Variants in SNX31 observed in about 807,000 individuals in gnomAD.
SNX31 encodes sorting nexin-31.
Under a neutral mutation model 65.4 loss-of-function variants are expected in SNX31, and 58 were observed. That is an observed-to-expected ratio of 0.89 (90% CI 0.72 to 1.10). SNX31 has a LOEUF of 1.10. Among genes scored for constraint, SNX31 ranks in the 50% least tolerant of loss-of-function variants. SNX31 has a pLI of 0.00. For synonymous variants in SNX31, 181 were observed against 190.1 expected (o/e 0.95, Z 0.39); for missense variants, 523 against 529.7 (o/e 0.99, Z 0.12).
chr8:100,639,280 A>G (rs183823569), intron 2 of SNX31, among the ~76,000 whole-genome samples: 35 of 152,366 alleles, frequency 2.3e-4, no homozygotes, highest in South Asian at 8.3e-4. Flanking sequence ...AAACTATGTT[A>G]CAAATGTATG....
intron 8 of SNX31, among the ~76,000 whole-genome samples, chr8:100,607,294 C>T (rs371685652): frequency 5.3e-5 from 8 of 152,242 alleles, no homozygotes; most frequent in South Asian, 2.1e-4. Context: ...ATCAGGTCTC[C>T]GAAGATGGCG....
Position 100,576,121 on chromosome 8 carries a change from G to A in SNX31, c.1227+898C>T, listed in dbSNP as rs1273284132. ...CGTCTCTCTGTCCAACCAGCCAGAA[G>A]TGCTGTGATTATGAAGGAGAATGCT... On this transcript the variant is annotated intron_variant, in intron 13 of 13. Coordinates refer to ENST00000311812, the MANE Select transcript of SNX31 (RefSeq NM_152628.4). The surrounding 1 kb of genome is among the most constrained non-coding windows in gnomAD (Gnocchi z 4.8). Among the ~76,000 whole-genome samples the A allele has an allele frequency of 6.6e-6, 1 of 152,186 alleles. No homozygotes were observed. The highest frequency in any genetic ancestry group is 6.5e-5 in the Admixed American group (1 of 15,284).
intron 4 of SNX31, chr8:100,618,865 G>T (rs1817468309): frequency 6.4e-6 from 1 of 156,476 alleles, no homozygotes; most frequent in Non-Finnish European, 1.4e-5. Context: ...TGCTTAGGGG[G>T]GTTGTTTATG....
chr8:100,595,912 A>G (rs1454213425), intron 10 of SNX31, among the ~76,000 whole-genome samples: 2 of 152,158 alleles, frequency 1.3e-5, no homozygotes, highest in Non-Finnish European at 2.9e-5. Flanking sequence ...GCTCAGAGGG[A>G]GAAGTGGCCT....
At chr8:100,608,056 A>G (rs1816338338) in intron 8 of SNX31, among the ~76,000 whole-genome samples, 1 of 152,226 alleles carries the variant, frequency 6.6e-6, no homozygotes, top group Non-Finnish European at 1.5e-5. Flanking sequence ...TAGGCTCATG[A>G]TGACAGTGTG....
chr8:100,629,954 T>C lies in SNX31; in HGVS notation c.321+373A>G, dbSNP rs1273233913. Among the ~76,000 whole-genome samples, 1 of 152,234 alleles carries C rather than the reference T, an allele frequency of 6.6e-6. No homozygotes were observed. The highest frequency in any genetic ancestry group is 1.5e-5 in the Non-Finnish European group (1 of 68,032). On this transcript the variant is annotated intron_variant, in intron 4 of 13. Transcript: ENST00000311812. The surrounding 1 kb of genome is among the most constrained non-coding windows in gnomAD (Gnocchi z 5.1). ...CTGTGGCCCATTTGGAAATCTCAGC[T>C]ACAGAAGCAGGGTCACAGACATGTT...
intron 1 of SNX31, among the ~76,000 whole-genome samples, chr8:100,662,706 AAAT>A (rs1404324095): frequency 1.3e-5 from 2 of 152,252 alleles, no homozygotes; most frequent in East Asian, 3.9e-4. Flanking sequence ...CAAAAAAATA[AAAT>A]AAAAATAAAT....
At chr8:100,658,081 C>T (rs1344130661) in intron 1 of SNX31, among the ~76,000 whole-genome samples, 5 of 152,066 alleles carry the variant, frequency 3.3e-5, no homozygotes, top group Admixed American at 2.0e-4. Context: ...TGTCCGGGTC[C>T]CACCTTCAGG....
intron 10 of SNX31, among the ~76,000 whole-genome samples, chr8:100,591,567 C>T (rs969442723): frequency 1.3e-5 from 2 of 151,628 alleles, no homozygotes; most frequent in African/African-American, 2.4e-5. Context: ...GGCATGGGGG[C>T]TCATGCCTGT....
rs2130907272 is a variant in SNX31, at chr8:100,596,773, GGTA to G, written c.841_843del (p.Tyr281del). ...AGAACAGCTCCAGAGCCTGATTCTG[GGTA>G]GTCACAGGTACAAGGATCCAGCTGC... is the stretch of plus-strand genomic sequence containing the variant. On this transcript the variant is annotated inframe_deletion, in exon 10 of 14. Transcript: ENST00000311812. The G allele has an allele frequency of 6.2e-7, 1 of 1,614,102 alleles. No individual in the cohort carries two copies. The highest frequency in any genetic ancestry group is 8.5e-7 in the Non-Finnish European group (1 of 1,180,022).
At chr8:100,651,151 TA>T (rs112320690), upstream of SNX31, among the ~76,000 whole-genome samples, 81 of 152,332 alleles carry the variant, frequency 5.3e-4, 1 homozygote, top group Admixed American at 2.0e-3. Flanking sequence ...GTGCACTCTT[TA>T]AGCTGCAGTT....
chr8:100,621,761 C>T (rs925640566), intron 4 of SNX31, among the ~76,000 whole-genome samples: 3 of 152,338 alleles, frequency 2.0e-5, no homozygotes, highest in South Asian at 4.1e-4. Context: ...ATAGGTCACC[C>T]GACTCTTTGC....
chr8:100,619,384 C>A (rs1817514262), intron 4 of SNX31, among the ~76,000 whole-genome samples: 1 of 152,354 alleles, frequency 6.6e-6, no homozygotes, highest in South Asian at 2.1e-4. Flanking sequence ...GAAGGAGCAG[C>A]TCCTGCTGGA....
intron 8 of SNX31, among the ~76,000 whole-genome samples, chr8:100,607,909 G>A (rs934338835): frequency 3.3e-5 from 5 of 152,214 alleles, no homozygotes; most frequent in Non-Finnish European, 5.9e-5. Context: ...AGAGCCCAAC[G>A]CAACTGTGCA....
In SNX31 at chr8:100,614,405, C is replaced by G. The variant is rs995404976; in HGVS notation, c.433-1320G>C. On this transcript the variant is annotated intron_variant, in intron 5 of 13. Coordinates refer to ENST00000311812, the MANE Select transcript of SNX31 (RefSeq NM_152628.4). The surrounding 1 kb of genome is among the most constrained non-coding windows in gnomAD (Gnocchi z 5.1). Reference sequence around the variant, plus strand: ...TGGGGGCAAAAGGAGAATGAAGAAGCCTTTCGCATTCATAAAGACATAAAT... The same window carrying G: ...TGGGGGCAAAAGGAGAATGAAGAAGGCTTTCGCATTCATAAAGACATAAAT... Among the ~76,000 whole-genome samples, 8 of 152,220 alleles carry G rather than the reference C, an allele frequency of 5.3e-5. No individual in the cohort carries two copies. In the South Asian group the frequency reaches 6.2e-4, roughly 12 times the overall value.
Position 100,649,498 on chromosome 8 carries a change from C to G in SNX31, c.17G>C (p.Cys6Ser). MKMHF[C>S]IPVSQQRSDA... ...GGACCGCTGCTGGGACACCGGGATA[C>G]AGAAATGCATCTTCATGGCTGAGCG... The change falls in exon 1 of 14, where the codon TGT becomes TCT. Residue 6 changes from cysteine (C) to serine (S), a missense_variant. Cys to Ser is a moderately radical substitution (Grantham distance 112). Transcript: ENST00000311812. 1 of 1,548,810 alleles carries G rather than the reference C, an allele frequency of 6.5e-7. No individual in the cohort carries two copies. The highest frequency in any genetic ancestry group is 1.2e-5 in the South Asian group (1 of 85,686).
At chr8:100,643,148 G>A (rs530187022) in intron 2 of SNX31, among the ~76,000 whole-genome samples, 27 of 152,036 alleles carry the variant, frequency 1.8e-4, no homozygotes, top group African/African-American at 2.4e-4. Context: ...AGCTGAGATC[G>A]CACCACCTCA....
chr8:100,583,670 A>AT (rs1813761569), intron 12 of SNX31, among the ~76,000 whole-genome samples: 1 of 152,142 alleles, frequency 6.6e-6, no homozygotes, highest in African/African-American at 2.4e-5. Flanking sequence ...TGTTAAAGGC[A>AT]TTTTCATTTG....
chr8:100,620,706 C>T (rs934736811), intron 4 of SNX31, among the ~76,000 whole-genome samples: 1 of 152,200 alleles, frequency 6.6e-6, no homozygotes, highest in Non-Finnish European at 1.5e-5. Context: ...CATTGTTTCA[C>T]ATATAGCAGC....
Sources: allele counts gnomAD v4.1 joint callset (sites outside exome capture counted in the v4.1 genomes callset), GRCh38; gene constraint gnomAD v4.1.1; non-coding constraint Gnocchi (gnomAD v3.1); transcripts MANE v1.5; gene names NCBI Gene and HGNC (gene_info 2026-07-23, HGNC 2026-07-21).